Variants in RALGAPA2 observed in about 807,000 individuals in gnomAD.
The protein encoded by RALGAPA2 is Ral GTPase activating protein catalytic subunit alpha 2.
In RALGAPA2, 139 loss-of-function variants were observed where a neutral mutation model predicts 230.4. The ratio of observed to expected loss-of-function variants is 0.60; its 90% CI spans 0.53 to 0.69. The LOEUF (loss-of-function observed/expected upper bound fraction) is 0.69, where lower values mean the gene tolerates loss of function less well. Among genes scored for constraint, RALGAPA2 ranks in the 30% least tolerant of loss-of-function variants. The pLI, the probability that RALGAPA2 is intolerant of heterozygous loss-of-function variation, is 0.00. For missense variants in RALGAPA2, 2,163 were observed against 2,276.0 expected, an observed-to-expected ratio of 0.95 and a Z score of 1.01; for synonymous variants, 847 against 837.8, an observed-to-expected ratio of 1.01 and a Z score of -0.19.
intron 24 of RALGAPA2, 134 bp downstream of exon 24, chr20:20,546,570 A>G: frequency 8.5e-7 from 1 of 1,179,104 alleles, no homozygotes; most frequent in Non-Finnish European, 1.1e-6. Flanking sequence ...ATCAGCTGCC[A>G]GGGTATCTAC....
At chr20:20,556,204 C>T (rs2064078552) in intron 23 of RALGAPA2, among the ~76,000 whole-genome samples, 2 of 152,160 alleles carry the variant, frequency 1.3e-5, no homozygotes, top group South Asian at 2.1e-4. Context: ...TGAATCAGCT[C>T]GCTCCCTCAG....
intron 35 of RALGAPA2, among the ~76,000 whole-genome samples, chr20:20,501,654 T>C (rs940443056): frequency 7.9e-5 from 12 of 152,232 alleles, no homozygotes; most frequent in Non-Finnish European, 1.8e-4. Flanking sequence ...CACTTTTAAT[T>C]TCCTTCAAAA....
intron 37 of RALGAPA2, among the ~76,000 whole-genome samples, chr20:20,420,553 A>G (rs571128978): frequency 6.6e-6 from 1 of 152,306 alleles, no homozygotes; most frequent in South Asian, 2.1e-4. Flanking sequence ...AGGAAGGACT[A>G]TGGCATGGCA....
intron 31 of RALGAPA2, among the ~76,000 whole-genome samples, chr20:20,515,333 G>A (rs562909967): frequency 3.3e-5 from 5 of 152,288 alleles, no homozygotes; most frequent in Admixed American, 6.5e-5. Context: ...GTTAGCATGC[G>A]TCTCCCACTG....
chr20:20,398,477 G>T lies in RALGAPA2; in HGVS notation c.5618-1743C>A, dbSNP rs1396523026. On this transcript the variant is annotated intron_variant, in intron 38 of 39. Transcript: ENST00000202677. This position sits in a 1 kb window ranked among gnomAD's most constrained non-coding sequence, Gnocchi z 4.5. ...GAGATGCAAAGACAGAGACAGTTGG[G>T]GGCTGCCTTGATTATTCCATGGGGC... Among the ~76,000 whole-genome samples the T allele has an allele frequency of 6.6e-6, 1 of 152,166 alleles. No homozygotes were observed. The highest frequency in any genetic ancestry group is 1.5e-5 in the Non-Finnish European group (1 of 68,040).
intron 36 of RALGAPA2, among the ~76,000 whole-genome samples, chr20:20,479,891 T>C (rs1295534704): frequency 6.6e-6 from 1 of 152,184 alleles, no homozygotes; most frequent in Non-Finnish European, 1.5e-5. Context: ...TGGCAAATGG[T>C]CAGAATTAGT....
chr20:20,571,716 G>C, intron 22 of RALGAPA2, 103 bp from the exon 23 acceptor site: 1 of 1,468,908 alleles, frequency 6.8e-7, no homozygotes, highest in Non-Finnish European at 9.3e-7. Flanking sequence ...TTATGGACAT[G>C]TGGGATGCAG....
chr20:20,587,264 A>G (rs2065160812), intron 18 of RALGAPA2, among the ~76,000 whole-genome samples: 1 of 152,190 alleles, frequency 6.6e-6, no homozygotes, highest in Non-Finnish European at 1.5e-5. Flanking sequence ...ATTAGAAGGA[A>G]AAGGGAGAAA....
intron 1 of RALGAPA2, among the ~76,000 whole-genome samples, chr20:20,702,098 A>G (rs1250464516): frequency 1.3e-5 from 2 of 152,144 alleles, no homozygotes; most frequent in African/African-American, 4.8e-5. Context: ...GCAAAGCCAA[A>G]GGCCATTAAT....
chr20:20,709,465 T>A (rs1439150660), intron 1 of RALGAPA2, among the ~76,000 whole-genome samples: 1 of 152,148 alleles, frequency 6.6e-6, no homozygotes, highest in East Asian at 1.9e-4. Flanking sequence ...TACTCCAACG[T>A]GGACAACAGA....
chr20:20,442,694 C>G (rs933967315), intron 37 of RALGAPA2, among the ~76,000 whole-genome samples: 1 of 152,196 alleles, frequency 6.6e-6, no homozygotes, highest in African/African-American at 2.4e-5. Context: ...TTATAAGATC[C>G]ACCTTGAACA....
In RALGAPA2 at chr20:20,707,858, C is replaced by T. The variant is rs185542295; in HGVS notation, c.106+4517G>A. Among the ~76,000 whole-genome samples, 87 of 152,112 alleles carry T rather than the reference C, an allele frequency of 5.7e-4. No homozygotes were observed. In the East Asian group the frequency reaches 0.017, roughly 29 times the overall value. ...CCTCTGGGCAAGGGTCCTCAGTGCC[C>T]AACACCACACCTCGCCATGTTACTT... is the stretch of plus-strand genomic sequence containing the variant. On this transcript the variant is annotated intron_variant, in intron 1 of 39. Coordinates refer to ENST00000202677, the MANE Select transcript of RALGAPA2 (RefSeq NM_020343.4).
chr20:20,474,083 T>C (rs1408898375), intron 36 of RALGAPA2, among the ~76,000 whole-genome samples: 4 of 152,170 alleles, frequency 2.6e-5, no homozygotes, highest in Non-Finnish European at 5.9e-5. Flanking sequence ...AAGAGCAATA[T>C]AACTTTATTT....
At chr20:20,458,868 A>ATAGACC (rs2061232554) in intron 37 of RALGAPA2, among the ~76,000 whole-genome samples, 2 of 136,870 alleles carry the variant, frequency 1.5e-5, no homozygotes, top group African/African-American at 5.5e-5. Flanking sequence ...ATATATATAT[A>ATAGACC]TATATATACA....
chr20:20,454,663 C>T (rs2061068130), intron 37 of RALGAPA2, among the ~76,000 whole-genome samples: 1 of 152,182 alleles, frequency 6.6e-6, no homozygotes, highest in Non-Finnish European at 1.5e-5. Flanking sequence ...CAAAGCTAAT[C>T]CCTAGGGGAA....
rs550064571 is a variant in RALGAPA2, at chr20:20,398,773, T to C, written c.5618-2039A>G. On this transcript the variant is annotated intron_variant, in intron 38 of 39. Transcript: ENST00000202677. The surrounding 1 kb of genome is among the most constrained non-coding windows in gnomAD (Gnocchi z 4.5). ...CCCTTTGTCAAATGAGCAGCAGATA[T>C]GTGCCAGGTACTGTTTTAGGCTCTG... 2.8e-4 allele frequency among the ~76,000 whole-genome samples: 43 copies of C among 152,266 alleles called. No individual in the cohort carries two copies. Among genetic ancestry groups the C allele is most frequent in the Admixed American group, 2.4e-3 (36 of 15,292 alleles).
chr20:20,546,569 C>T, intron 24 of RALGAPA2, 135 bp downstream of exon 24: 1 of 1,174,344 alleles, frequency 8.5e-7, no homozygotes, highest in Non-Finnish European at 1.1e-6. Context: ...CATCAGCTGC[C>T]AGGGTATCTA....
intron 3 of RALGAPA2, among the ~76,000 whole-genome samples, chr20:20,668,900 C>T (rs1279391585): frequency 6.6e-6 from 1 of 152,206 alleles, no homozygotes; most frequent in African/African-American, 2.4e-5. Flanking sequence ...AAGAGCTACA[C>T]TGAGAGCCAG....
intron 1 of RALGAPA2, among the ~76,000 whole-genome samples, chr20:20,702,487 T>C (rs1265438314): frequency 2.0e-5 from 3 of 152,188 alleles, no homozygotes; most frequent in African/African-American, 7.2e-5. Context: ...TGAGAAGGTC[T>C]TAGGCCAATA....
Sources: gnomAD v4.1 joint callset for allele counts (sites outside exome capture counted in the v4.1 genomes callset) on GRCh38, gnomAD v4.1.1 for gene constraint, Gnocchi (gnomAD v3.1) non-coding constraint, MANE v1.5 for transcripts, NCBI Gene and HGNC (gene_info 2026-07-23, HGNC 2026-07-21) for gene names.